Variants in DDX46 observed in about 807,000 individuals in gnomAD.
DDX46 encodes probable ATP-dependent RNA helicase DDX46.
In DDX46, 30 loss-of-function variants were observed where a neutral mutation model predicts 134.9. The ratio of observed to expected loss-of-function variants is 0.22; its 90% CI spans 0.17 to 0.30. The LOEUF is 0.30. Among genes scored for constraint, DDX46 ranks in the 10% least tolerant of loss-of-function variants. The pLI is 1.00. For synonymous variants in DDX46, 415 were observed against 404.1 expected (o/e 1.03, Z -0.32); for missense variants, 622 against 1,248.7 (o/e 0.50, Z 7.56).
chr5:134,818,754 G>A (rs1043260547), intron 20 of DDX46, 106 bp from the exon 21 acceptor site: 40 of 850,320 alleles, frequency 4.7e-5, no homozygotes, highest in Middle Eastern at 6.8e-4. Flanking sequence ...GAGAGAGAGA[G>A]AGACCAACCA....
intron 2 of DDX46, among the ~76,000 whole-genome samples, chr5:134,764,499 T>C (rs1026369212): frequency 6.6e-6 from 1 of 152,146 alleles, no homozygotes; most frequent in Non-Finnish European, 1.5e-5. Flanking sequence ...GCCAGGCTGC[T>C]CTCGATCTCC....
chr5:134,822,787 G>A (rs1411639906), intron 21 of DDX46, among the ~76,000 whole-genome samples: 1 of 151,976 alleles, frequency 6.6e-6, no homozygotes, highest in East Asian at 1.9e-4. Flanking sequence ...ATGTTGCCCA[G>A]ACTGTTCTTG....
chr5:134,770,361 C>G (rs912251806), intron 3 of DDX46, among the ~76,000 whole-genome samples: 1 of 151,980 alleles, frequency 6.6e-6, no homozygotes, highest in Admixed American at 6.6e-5. Flanking sequence ...CAGGTGCACA[C>G]CACCATACCC....
intron 8 of DDX46, 65 bp from the exon 9 acceptor site, chr5:134,782,880 T>C: frequency 6.4e-7 from 1 of 1,570,028 alleles, no homozygotes; most frequent in Non-Finnish European, 8.6e-7. Context: ...TTATGCCTAA[T>C]TGAAAAGTAG....
chr5:134,781,229 G>T lies in DDX46; in HGVS notation c.862G>T (p.Asp288Tyr). 2.5e-6 allele frequency: 4 copies of T among 1,604,652 alleles called. No individual in the cohort carries two copies. In the South Asian group the frequency reaches 4.5e-5, roughly 18 times the overall value. Reference protein sequence around the residue: ...DKKKGELMENDQDAMEYSSEE... With the variant: ...DKKKGELMENYQDAMEYSSEE... Reference sequence around the variant, plus strand: ...GAAGAAAGGTGAGCTGATGGAGAATGACCAGGATGCCATGGAGGTGATTTT... The same window carrying T: ...GAAGAAAGGTGAGCTGATGGAGAATTACCAGGATGCCATGGAGGTGATTTT... Residue 288 changes from aspartate (D) to tyrosine (Y), a missense_variant, in exon 7 of 23, where the codon GAC becomes TAC. By Grantham distance (160) the Asp-to-Tyr change is radical. This residue lies in a region of DDX46 where 9 missense variants were observed against 37.7 expected (regional missense o/e 0.24). Coordinates refer to ENST00000452510, the MANE Select transcript of DDX46 (RefSeq NM_001300860.2).
intron 16 of DDX46, among the ~76,000 whole-genome samples, chr5:134,810,961 G>A (rs1288859744): frequency 6.6e-6 from 1 of 151,972 alleles, no homozygotes; most frequent in Admixed American, 6.6e-5. Context: ...AGCCAAAACT[G>A]CGCCACTGCA....
At chr5:134,804,765 T>C (rs1391812312) in intron 15 of DDX46, 2 of 320,356 alleles carry the variant, frequency 6.2e-6, no homozygotes, top group Middle Eastern at 1.2e-3. Context: ...TATTCAAAAA[T>C]AATTTTTAAA....
chr5:134,794,714 C>T (rs1580799906), intron 13 of DDX46, 136 bp from the exon 14 acceptor site: 1 of 1,078,828 alleles, frequency 9.3e-7, no homozygotes. Flanking sequence ...GTTGTCATTT[C>T]TTGAGATTGG....
At chr5:134,820,402 G>A (rs1755408921) in intron 21 of DDX46, among the ~76,000 whole-genome samples, 2 of 151,774 alleles carry the variant, frequency 1.3e-5, no homozygotes, top group East Asian at 1.9e-4. Flanking sequence ...GCACTCTATC[G>A]CCCAGGCTGG....
intron 2 of DDX46, among the ~76,000 whole-genome samples, chr5:134,764,825 C>T (rs915722105): frequency 6.6e-6 from 1 of 150,942 alleles, no homozygotes; most frequent in African/African-American, 2.4e-5. Context: ...CTCCTTCCCT[C>T]CCTCCCTTCC....
intron 15 of DDX46, among the ~76,000 whole-genome samples, chr5:134,803,394 C>T (rs1165941782): frequency 1.3e-5 from 2 of 151,948 alleles, no homozygotes; most frequent in Non-Finnish European, 2.9e-5. Flanking sequence ...AGCATATATA[C>T]GCACAGTTGT....
At chr5:134,780,098 ATG>A (rs71583216) in intron 6 of DDX46, among the ~76,000 whole-genome samples, 23,808 of 139,330 alleles carry the variant, frequency 0.17, 2,110 homozygotes, top group Admixed American at 0.25. Flanking sequence ...AAAAAAATAT[ATG>A]TGTGTGTGTG....
At chr5:134,812,799 G>A (rs1337166232) in intron 18 of DDX46, among the ~76,000 whole-genome samples, 3 of 152,020 alleles carry the variant, frequency 2.0e-5, no homozygotes, top group Admixed American at 6.6e-5. Flanking sequence ...CACCACGCCC[G>A]GCTGATTTTT....
At position 134,772,769 on chromosome 5, in the gene DDX46, G is replaced by A. The variant is rs191354357; in HGVS notation, c.448-927G>A. Among the ~76,000 whole-genome samples, 330 of 152,296 alleles carry A rather than the reference G, an allele frequency of 2.2e-3. 1 individual carries two copies. Among genetic ancestry groups the A allele is most frequent in the Admixed American group, 5.5e-3 (84 of 15,304 alleles). ...AATCTGCCTGCCTCTGCCTCCCAAA[G>A]CACTGGAATTACAAGCATGAGCCAC... On this transcript the variant is annotated intron_variant, in intron 4 of 22. Transcript: ENST00000452510.
chr5:134,824,583 AAAAAG>A (rs1230480289), intron 21 of DDX46, among the ~76,000 whole-genome samples: 1 of 152,210 alleles, frequency 6.6e-6, no homozygotes, highest in African/African-American at 2.4e-5. Flanking sequence ...CTGTCTCAAA[AAAAAG>A]AAAAGAAAAG....
intron 12 of DDX46, chr5:134,789,305 T>C (rs1454598259): frequency 6.6e-6 from 1 of 152,202 alleles, no homozygotes; most frequent in East Asian, 1.9e-4. Context: ...CAAAACTAAT[T>C]GGGGCTACAA....
intron 3 of DDX46, among the ~76,000 whole-genome samples, chr5:134,769,208 T>C (rs1053413465): frequency 2.0e-5 from 3 of 152,078 alleles, no homozygotes; most frequent in African/African-American, 7.2e-5. Context: ...ATCCTACCTA[T>C]AAACAAACTA....
intron 21 of DDX46, among the ~76,000 whole-genome samples, chr5:134,822,543 C>T (rs1755485173): frequency 6.6e-6 from 1 of 152,046 alleles, no homozygotes; most frequent in African/African-American, 2.4e-5. Flanking sequence ...TGCTATGTTA[C>T]AGTCTAGGCT....
chr5:134,778,526 T>G (rs1311944303), intron 6 of DDX46, among the ~76,000 whole-genome samples: 2 of 152,296 alleles, frequency 1.3e-5, no homozygotes, highest in Non-Finnish European at 1.5e-5. Context: ...CTGGCTTGCC[T>G]AGTGATTGGA....
Sources: allele counts gnomAD v4.1 joint callset (sites outside exome capture counted in the v4.1 genomes callset), GRCh38; gene constraint gnomAD v4.1.1; regional missense constraint gnomAD v4.1.1; transcripts MANE v1.5; gene names NCBI Gene and HGNC (gene_info 2026-07-23, HGNC 2026-07-21).